Variants in DGKB observed in about 807,000 individuals in gnomAD.
DGKB encodes diacylglycerol kinase beta.
In DGKB, 67 loss-of-function variants were observed where a neutral mutation model predicts 114.3. That is an observed-to-expected ratio of 0.59 (90% CI 0.48 to 0.72). DGKB has a LOEUF of 0.72. DGKB is among the 30% of genes least tolerant of loss of function. The pLI is 0.00. For synonymous variants in DGKB, 398 were observed against 323.1 expected (o/e 1.23, Z -2.49); for missense variants, 907 against 975.2 (o/e 0.93, Z 0.93).
intron 23 of DGKB, among the ~76,000 whole-genome samples, chr7:14,186,640 T>A (rs950149341): frequency 1.3e-5 from 2 of 151,694 alleles, no homozygotes; most frequent in African/African-American, 4.8e-5. Context: ...AATCAAAGAG[T>A]GGATAAAGAA....
At chr7:14,217,783 T>C (rs1337458137) in intron 23 of DGKB, among the ~76,000 whole-genome samples, 1 of 152,088 alleles carries the variant, frequency 6.6e-6, no homozygotes, top group African/African-American at 2.4e-5. Flanking sequence ...GCTTAATGAA[T>C]GTACCGGTGC....
intron 1 of DGKB, among the ~76,000 whole-genome samples, chr7:14,884,308 A>C (rs959053052): frequency 1.3e-5 from 2 of 151,996 alleles, no homozygotes. Flanking sequence ...AAACGGAACC[A>C]TTTAACTATC....
At chr7:14,264,397 G>C (rs10230469) in intron 23 of DGKB, among the ~76,000 whole-genome samples, 15,953 of 152,080 alleles carry the variant, frequency 0.1, 1,351 homozygotes, top group East Asian at 0.31. Flanking sequence ...GACCTCAGTA[G>C]CCTGATTGTG....
intron 20 of DGKB, among the ~76,000 whole-genome samples, chr7:14,503,268 C>T (rs927077474): frequency 9.2e-5 from 14 of 152,026 alleles, no homozygotes; most frequent in Non-Finnish European, 1.9e-4. Flanking sequence ...TTTGGTAAGA[C>T]GTTATTCTTA....
intron 1 of DGKB, among the ~76,000 whole-genome samples, chr7:14,912,189 A>T (rs1784036041): frequency 6.6e-6 from 1 of 152,156 alleles, no homozygotes; most frequent in Non-Finnish European, 1.5e-5. Flanking sequence ...AAAGTATGCA[A>T]AGCTGTTGGA....
intron 13 of DGKB, among the ~76,000 whole-genome samples, chr7:14,648,197 C>T (rs1281898689): frequency 6.6e-6 from 1 of 152,224 alleles, no homozygotes; most frequent in African/African-American, 2.4e-5. Flanking sequence ...GGGCAAGGCA[C>T]AGACAAACAA....
intron 1 of DGKB, among the ~76,000 whole-genome samples, chr7:14,947,712 A>C (rs1785962015): frequency 2.6e-5 from 4 of 151,714 alleles, no homozygotes; most frequent in African/African-American, 9.7e-5. Context: ...AAGTTGGGGA[A>C]AGAGTTGCAT....
intron 20 of DGKB, among the ~76,000 whole-genome samples, chr7:14,508,186 T>C (rs10236470): frequency 3.1e-3 from 472 of 152,308 alleles, no homozygotes; most frequent in African/African-American, 0.011. Context: ...AAGAAAAATA[T>C]TAAGACACTA....
chr7:14,765,674 C>G (rs73064764), intron 2 of DGKB, among the ~76,000 whole-genome samples: 1 of 151,876 alleles, frequency 6.6e-6, no homozygotes, highest in Non-Finnish European at 1.5e-5. Flanking sequence ...ACACTAGGAA[C>G]CTATGAAATA....
intron 13 of DGKB, among the ~76,000 whole-genome samples, chr7:14,660,662 CA>C (rs1272541088): frequency 6.6e-6 from 1 of 151,774 alleles, no homozygotes; most frequent in Non-Finnish European, 1.5e-5. Context: ...CCATCCCCAT[CA>C]AGCTACCAAC....
intron 13 of DGKB, among the ~76,000 whole-genome samples, chr7:14,672,551 AT>A (rs1445879899): frequency 6.6e-6 from 1 of 152,022 alleles, no homozygotes; most frequent in Non-Finnish European, 1.5e-5. Flanking sequence ...AGCCCTCAAC[AT>A]TGCAGATATA....
At chr7:14,364,104 A>G (rs1816232458) in intron 21 of DGKB, among the ~76,000 whole-genome samples, 1 of 152,070 alleles carries the variant, frequency 6.6e-6, no homozygotes, top group Non-Finnish European at 1.5e-5. Flanking sequence ...TTTGAAAGTG[A>G]CGAAATTTTT....
intron 13 of DGKB, among the ~76,000 whole-genome samples, chr7:14,635,989 C>A (rs1172182484): frequency 2.0e-5 from 3 of 151,550 alleles, no homozygotes; most frequent in African/African-American, 7.3e-5. Flanking sequence ...AAGCCTAGGT[C>A]TCCTTTTCAC....
Position 14,961,974 on chromosome 7 carries a change from A to G in DGKB, c.-188+12722T>C, listed in dbSNP as rs945650046. On this transcript the variant is annotated intron_variant, in intron 1 of 4. Transcript: ENST00000437998. Reference sequence around the variant, plus strand: ...ACTAATTAACCATGTTATCTATCCAATGGGTAAAAACATGTCCTCTCAGCC... The same window carrying G: ...ACTAATTAACCATGTTATCTATCCAGTGGGTAAAAACATGTCCTCTCAGCC... Among the ~76,000 whole-genome samples the G allele has an allele frequency of 4.6e-5, 7 of 152,092 alleles. No individual in the cohort carries two copies. In the South Asian group the frequency reaches 6.2e-4, roughly 14 times the overall value.
intron 2 of DGKB, among the ~76,000 whole-genome samples, chr7:14,811,382 G>T (rs563518780): frequency 2.6e-5 from 4 of 152,038 alleles, no homozygotes; most frequent in Non-Finnish European, 5.9e-5. Flanking sequence ...CTAGTAACAG[G>T]AAGTTTTAAT....
chr7:14,426,806 G>A (rs1164435265), intron 21 of DGKB, among the ~76,000 whole-genome samples: 1 of 152,034 alleles, frequency 6.6e-6, no homozygotes, highest in Non-Finnish European at 1.5e-5. Flanking sequence ...TGTAATCCAA[G>A]CACTTTGGGA....
intron 20 of DGKB, among the ~76,000 whole-genome samples, chr7:14,493,410 A>G (rs1784856933): frequency 1.3e-5 from 2 of 152,116 alleles, no homozygotes; most frequent in South Asian, 4.1e-4. Context: ...AACTAATAAT[A>G]AAATAGAACA....
intron 19 of DGKB, 115 bp from the exon 20 acceptor site, chr7:14,574,487 T>G (rs1798835344): frequency 8.5e-6 from 7 of 824,016 alleles, no homozygotes; most frequent in Non-Finnish European, 1.3e-5. Context: ...ATAATGATTT[T>G]GAAGCACATT....
chr7:14,348,756 G>A (rs12699607), intron 21 of DGKB, among the ~76,000 whole-genome samples: 44,094 of 151,474 alleles, frequency 0.29, 7,949 homozygotes, highest in Middle Eastern at 0.44. Flanking sequence ...CAATGATTCA[G>A]CTAATTTTAT....
Sources: allele counts gnomAD v4.1 joint callset (sites outside exome capture counted in the v4.1 genomes callset), GRCh38; gene constraint gnomAD v4.1.1; transcripts MANE v1.5; gene names NCBI Gene and HGNC (gene_info 2026-07-23, HGNC 2026-07-21).